ASIC2: variants seen among roughly 807,000 people sequenced by gnomAD.
ASIC2 encodes the protein acid sensing ion channel subunit 2.
A neutral mutation model predicts 57.3 loss-of-function variants in ASIC2; 25 were observed. The ratio of observed to expected loss-of-function variants is 0.44; its 90% CI spans 0.32 to 0.61. The LOEUF is 0.61. Among genes scored for constraint, ASIC2 ranks in the 20% least tolerant of loss-of-function variants. The pLI is 0.06. For synonymous variants in ASIC2, 319 were observed against 307.5 expected, an observed-to-expected ratio of 1.04 and a Z score of -0.39; for missense variants, 641 against 738.1, an observed-to-expected ratio of 0.87 and a Z score of 1.52.
chr17:33,876,590 A>G (rs1914551600), intron 1 of ASIC2, among the ~76,000 whole-genome samples: 2 of 152,214 alleles, frequency 1.3e-5, no homozygotes, highest in East Asian at 1.9e-4. Flanking sequence ...TACTGTCCTC[A>G]TTTTATAAAT....
intron 1 of ASIC2, among the ~76,000 whole-genome samples, chr17:33,141,478 C>T (rs1904319700): frequency 6.6e-6 from 1 of 152,158 alleles, no homozygotes; most frequent in Non-Finnish European, 1.5e-5. Context: ...ACTAAATGCT[C>T]ACTCAGTGGC....
intron 1 of ASIC2, among the ~76,000 whole-genome samples, chr17:33,468,531 C>T (rs1487386874): frequency 1.3e-5 from 2 of 152,104 alleles, no homozygotes; most frequent in African/African-American, 4.8e-5. Context: ...TTTCTCTCTG[C>T]TTCAGAACAA....
Position 33,634,287 on chromosome 17 carries a change from C to G in ASIC2, c.555+521691G>C, listed in dbSNP as rs114665817. ...TCTGTCTGATAGATCAACCTCCCCC[C>G]TTCAGGTCTAACTAGTTTCTGATCC... On this transcript the variant is annotated intron_variant, in intron 1 of 9. Coordinates refer to the ASIC2 transcript ENST00000359872. Among the ~76,000 whole-genome samples the G allele has an allele frequency of 2.0e-4, 31 of 152,274 alleles. No individual in the cohort carries two copies. In the East Asian group the frequency reaches 6.0e-3, roughly 29 times the overall value.
At chr17:33,283,416 C>T (rs1905035682) in intron 1 of ASIC2, among the ~76,000 whole-genome samples, 1 of 152,188 alleles carries the variant, frequency 6.6e-6, no homozygotes, top group East Asian at 1.9e-4. Context: ...GAATCAGGGT[C>T]TCTGTTGAGG....
intron 1 of ASIC2, among the ~76,000 whole-genome samples, chr17:33,204,315 C>G (rs754806024): frequency 3.9e-5 from 6 of 152,224 alleles, no homozygotes; most frequent in Non-Finnish European, 8.8e-5. Context: ...CCTGCAGGCT[C>G]AGCCCATGTC....
chr17:33,241,185 T>C (rs928789602), intron 1 of ASIC2, among the ~76,000 whole-genome samples: 1 of 152,218 alleles, frequency 6.6e-6, no homozygotes, highest in Non-Finnish European at 1.5e-5. Context: ...ATTGTTTCTC[T>C]TAAATGCCAC....
chr17:33,319,753 T>G (rs1020163266), intron 1 of ASIC2, among the ~76,000 whole-genome samples: 6 of 152,182 alleles, frequency 3.9e-5, no homozygotes, highest in Non-Finnish European at 8.8e-5. Flanking sequence ...TAGCTAGTCT[T>G]GAACTTCTGG....
chr17:33,613,345 C>T (rs1488292403), intron 1 of ASIC2, among the ~76,000 whole-genome samples: 1 of 146,624 alleles, frequency 6.8e-6, no homozygotes, highest in Non-Finnish European at 1.5e-5. Context: ...CTTGCATTTT[C>T]TTTGGGGAAA....
chr17:33,118,617 G>C (rs145642032), intron 1 of ASIC2, among the ~76,000 whole-genome samples: 1 of 152,136 alleles, frequency 6.6e-6, no homozygotes, highest in Non-Finnish European at 1.5e-5. Context: ...CAGAGTCAGA[G>C]GAACCCGAGC....
At chr17:33,080,893 A>G (rs2092110662) in intron 3 of ASIC2, among the ~76,000 whole-genome samples, 1 of 152,202 alleles carries the variant, frequency 6.6e-6, no homozygotes, top group South Asian at 2.1e-4. Flanking sequence ...AGAATGGTGC[A>G]CAACTGAAAA....
chr17:33,400,260 C>T (rs1910234830), intron 1 of ASIC2, among the ~76,000 whole-genome samples: 2 of 152,186 alleles, frequency 1.3e-5, no homozygotes. Context: ...CTCCATGCTC[C>T]ACCTATGTGT....
intron 1 of ASIC2, among the ~76,000 whole-genome samples, chr17:33,904,006 A>G (rs1420638325): frequency 6.6e-6 from 1 of 151,842 alleles, no homozygotes; most frequent in East Asian, 1.9e-4. Context: ...TCTACTAAAA[A>G]TACAAAATTA....
At chr17:33,469,117 A>G (rs1007200562) in intron 1 of ASIC2, among the ~76,000 whole-genome samples, 12 of 152,248 alleles carry the variant, frequency 7.9e-5, no homozygotes, top group Admixed American at 3.9e-4. Flanking sequence ...GAAGGGCCTA[A>G]GCAGTGGGTA....
chr17:33,019,642 C>T (rs535493537), intron 7 of ASIC2, among the ~76,000 whole-genome samples: 1 of 152,104 alleles, frequency 6.6e-6, no homozygotes, highest in African/African-American at 2.4e-5. Context: ...GGTTTGCAAG[C>T]GGCACACGCT....
intron 1 of ASIC2, among the ~76,000 whole-genome samples, chr17:33,661,178 G>A (rs948370167): frequency 3.3e-5 from 5 of 152,248 alleles, no homozygotes; most frequent in Admixed American, 3.3e-4. Flanking sequence ...CTGGTGCTGA[G>A]CCACATTTAG....
At chr17:33,948,737 T>C (rs1904465560) in intron 1 of ASIC2, among the ~76,000 whole-genome samples, 1 of 152,248 alleles carries the variant, frequency 6.6e-6, no homozygotes, top group African/African-American at 2.4e-5. Context: ...TAAGGAAGAT[T>C]GTCAATGCCT....
chr17:33,647,694 A>G lies in ASIC2; in HGVS notation c.555+508284T>C, dbSNP rs143429571. On this transcript the variant is annotated intron_variant, in intron 1 of 9. Coordinates refer to the ASIC2 transcript ENST00000359872. ...AATGTGTATCCTTCTCAGTAACTCT[A>G]AAGCCTAGAGAATGACAGACAGAGG... 1.1e-3 allele frequency among the ~76,000 whole-genome samples: 167 copies of G among 152,364 alleles called. 1 individual carries two copies. Among genetic ancestry groups the G allele is most frequent in the African/African-American group, 3.6e-3 (150 of 41,590 alleles).
intron 1 of ASIC2, among the ~76,000 whole-genome samples, chr17:33,762,700 T>C (rs1910822430): frequency 6.6e-6 from 1 of 152,196 alleles, no homozygotes; most frequent in African/African-American, 2.4e-5. Flanking sequence ...GCCAAGTGTA[T>C]TTTTTATGTT....
At chr17:33,137,355 C>T (rs184150688) in intron 1 of ASIC2, among the ~76,000 whole-genome samples, 1 of 152,344 alleles carries the variant, frequency 6.6e-6, no homozygotes, top group East Asian at 1.9e-4. Context: ...GCAGAGCATA[C>T]ACCACTTCTG....
Sources: gnomAD v4.1 joint callset for allele counts (sites outside exome capture counted in the v4.1 genomes callset) on GRCh38, gnomAD v4.1.1 for gene constraint, MANE v1.5 for transcripts, NCBI Gene and HGNC (gene_info 2026-07-23, HGNC 2026-07-21) for gene names.